TRAPPC2B: variants seen among roughly 807,000 people sequenced by gnomAD.
TRAPPC2B encodes MBP-1 interacting protein-2A.
Under a neutral mutation model 8.4 loss-of-function variants are expected in TRAPPC2B, and 5 were observed. The ratio of observed to expected loss-of-function variants is 0.59; its 90% CI spans 0.31 to 1.25. The LOEUF (loss-of-function observed/expected upper bound fraction) is 1.25, where lower values mean the gene tolerates loss of function less well. Among genes scored for constraint, TRAPPC2B ranks in the 50% most tolerant of loss-of-function variants. The pLI is 0.06. For missense variants in TRAPPC2B, 161 were observed against 173.2 expected, an observed-to-expected ratio of 0.93 and a Z score of 0.40; for synonymous variants, 46 against 58.1, an observed-to-expected ratio of 0.79 and a Z score of 0.95.
Position 57,365,015 on chromosome 19 carries a change from T to G in TRAPPC2B, c.182T>G (p.Leu61Trp). 1 of 1,612,568 alleles carries G rather than the reference T, an allele frequency of 6.2e-7. No individual in the cohort carries two copies. Among genetic ancestry groups the G allele is most frequent in the Middle Eastern group, 1.7e-4 (1 of 6,060 alleles). ...ATGTGGCTGTCGAACAACATGTACT[T>G]GAAAACTGTGGACAAGTTCAACGAG... is the stretch of plus-strand genomic sequence containing the variant. Reference protein sequence around the residue: ...ENMWLSNNMYLKTVDKFNEWF... With the variant: ...ENMWLSNNMYWKTVDKFNEWF... Residue 61 changes from leucine to tryptophan, a missense_variant, in exon 2 of 2, where the codon TTG becomes TGG. Coordinates refer to ENST00000543226, the MANE Select transcript of TRAPPC2B (RefSeq NM_001355204.2).
rs2088457615 is a variant in TRAPPC2B, at chr19:57,365,169, T to C, written c.336T>C (p.Asn112=). The change falls in exon 2 of 2, where the codon AAT becomes AAC. Residue 112 remains asparagine (N), a synonymous_variant. Coordinates refer to ENST00000543226, the MANE Select transcript of TRAPPC2B (RefSeq NM_001355204.2). The part of the protein sequence containing the change: ...VYDLYIKFSM[N]PFYEPNSPIR... ...ATTTATATATAAAATTTTCAATGAA[T>C]CCATTTTATGAACCCAATTCTCCTA... The C allele has an allele frequency of 1.3e-6, 2 of 1,594,202 alleles. No homozygotes were observed. The highest frequency in any genetic ancestry group is 1.7e-5 in the Admixed American group (1 of 57,894).
At chr19:57,363,788 C>G (rs1004253977) in intron 1 of TRAPPC2B, 85 bp downstream of exon 1, 1 of 149,614 alleles carries the variant, frequency 6.7e-6, no homozygotes, top group African/African-American at 2.4e-5. Flanking sequence ...CCCTGCAGGT[C>G]AGGCCCCTTG....
Sources: gnomAD v4.1 joint callset for allele counts on GRCh38, gnomAD v4.1.1 for gene constraint, MANE v1.5 for transcripts, NCBI Gene and HGNC (gene_info 2026-07-23, HGNC 2026-07-21) for gene names.